Variants in RYR2 observed in about 807,000 individuals in gnomAD.
RYR2 encodes ryanodine receptor 2.
In RYR2, 227 loss-of-function variants were observed where a neutral mutation model predicts 601.1. The ratio of observed to expected loss-of-function variants is 0.38; its 90% CI spans 0.34 to 0.42. The LOEUF (loss-of-function observed/expected upper bound fraction) is 0.42. Among genes scored for constraint, RYR2 ranks in the 10% least tolerant of loss-of-function variants. The probability of loss-of-function intolerance (pLI) is 1.00; values close to 1 mark genes in which losing one functional copy is unlikely to be tolerated. For synonymous variants in RYR2, 2,223 were observed against 2,175.1 expected (o/e 1.02, Z -0.61); for missense variants, 4,646 against 6,156.5 (o/e 0.75, Z 8.21).
chr1:237,781,859 AT>A (rs1369534019), intron 89 of RYR2, among the ~76,000 whole-genome samples: 1 of 152,212 alleles, frequency 6.6e-6, no homozygotes, highest in Non-Finnish European at 1.5e-5. Flanking sequence ...CAAAATGAAA[AT>A]AGTAGTACTT....
At position 237,788,045 on chromosome 1, in the gene RYR2, G is replaced by T; in HGVS notation, c.13386G>T (p.Leu4462Phe). Residue 4462 changes from leucine (L) to phenylalanine (F), a missense_variant, in exon 92 of 105, where the codon TTG becomes TTT. Transcript: ENST00000366574. ...KAKEDKGKQK[L>F]RQLHTHRYGE... ...AGGAAGACAAGGGCAAACAAAAGTT[G>T]AGGCAGCTTCACACACACAGATACG... 6.2e-7 allele frequency: 1 copy of T among 1,609,952 alleles called. No homozygotes were observed. Among genetic ancestry groups the T allele is most frequent in the Non-Finnish European group, 8.5e-7 (1 of 1,177,796 alleles).
intron 81 of RYR2, among the ~76,000 whole-genome samples, chr1:237,757,457 C>G (rs1051254816): frequency 6.6e-6 from 1 of 152,110 alleles, no homozygotes; most frequent in African/African-American, 2.4e-5. Flanking sequence ...TCTGTTACTT[C>G]TATATCTTCT....
At chr1:237,233,795 C>T (rs1685248138) in intron 1 of RYR2, among the ~76,000 whole-genome samples, 1 of 152,120 alleles carries the variant, frequency 6.6e-6, no homozygotes, top group Admixed American at 6.5e-5. Flanking sequence ...GCTGGGATTA[C>T]AGGCATGCGC....
intron 35 of RYR2, among the ~76,000 whole-genome samples, chr1:237,608,195 C>T (rs1677363146): frequency 6.6e-6 from 1 of 151,986 alleles, no homozygotes; most frequent in Non-Finnish European, 1.5e-5. Flanking sequence ...AAAAGAGGAA[C>T]CTATGAGATA....
chr1:237,316,536 A>G (rs1463972373), intron 2 of RYR2, among the ~76,000 whole-genome samples: 1 of 152,180 alleles, frequency 6.6e-6, no homozygotes, highest in Non-Finnish European at 1.5e-5. Context: ...TGCTCTCGAC[A>G]GATGTATTAT....
intron 10 of RYR2, among the ~76,000 whole-genome samples, chr1:237,391,900 C>G (rs890010561): frequency 3.3e-5 from 5 of 152,022 alleles, no homozygotes; most frequent in Non-Finnish European, 7.4e-5. Flanking sequence ...TGCTTCCTGC[C>G]CATTTTGCTT....
At chr1:237,712,034 C>T (rs1015193976) in intron 71 of RYR2, among the ~76,000 whole-genome samples, 197 bp downstream of exon 71, 102 of 151,954 alleles carry the variant, frequency 6.7e-4, no homozygotes, top group African/African-American at 2.2e-3. Context: ...GACATGCAGA[C>T]GGGAAATGAC....
At chr1:237,549,628 CTTTTTTTTTTTTTTTTT>C (rs57579159) in intron 26 of RYR2, among the ~76,000 whole-genome samples, 150 of 77,736 alleles carry the variant, frequency 1.9e-3, no homozygotes, top group Non-Finnish European at 2.8e-3. Context: ...CCATAGCTTT[CTTTTTTTTTTTTTTTTT>C]TTTTTTTTTT....
chr1:237,817,293 T>C (rs991516322), intron 100 of RYR2, among the ~76,000 whole-genome samples: 6 of 152,200 alleles, frequency 3.9e-5, no homozygotes, highest in Admixed American at 1.3e-4. Flanking sequence ...GTTGAACTCA[T>C]AGTTGAACTA....
intron 2 of RYR2, among the ~76,000 whole-genome samples, chr1:237,281,325 A>G (rs1690845961): frequency 6.6e-6 from 1 of 152,214 alleles, no homozygotes; most frequent in Non-Finnish European, 1.5e-5. Context: ...GAAATTTTTA[A>G]AAGATTTTAA....
intron 29 of RYR2, among the ~76,000 whole-genome samples, chr1:237,586,520 A>G (rs926218093): frequency 1.3e-5 from 2 of 152,146 alleles, no homozygotes; most frequent in African/African-American, 4.8e-5. Context: ...TAACAAGTGG[A>G]GGGGCTAAGA....
chr1:237,764,612 A>T (rs1693701745), intron 84 of RYR2, among the ~76,000 whole-genome samples: 1 of 151,362 alleles, frequency 6.6e-6, no homozygotes. Flanking sequence ...ACAATTGGCT[A>T]ATTTTTGTAT....
chr1:237,353,062 C>T (rs1439065384), intron 3 of RYR2, among the ~76,000 whole-genome samples: 2 of 152,004 alleles, frequency 1.3e-5, no homozygotes, highest in South Asian at 4.1e-4. Context: ...CATTTGTTTT[C>T]TAGTATGTAA....
chr1:237,333,196 A>T (rs916621411), intron 3 of RYR2, among the ~76,000 whole-genome samples: 6 of 152,256 alleles, frequency 3.9e-5, no homozygotes, highest in African/African-American at 1.4e-4. Context: ...TTTGAGGAAA[A>T]ACTGCTACAA....
rs539595485 is a variant in RYR2 at position 237,597,418 on chromosome 1, A to T, written c.4596+1761A>T. The stretch of plus-strand genomic sequence containing the variant: ...TGCCTCAGCCTCCTGAGTAGCTGGG[A>T]TTATAGGCATGCACCACCACACCCA... On this transcript the variant is annotated intron_variant, in intron 34 of 104. Transcript: ENST00000366574. Among the ~76,000 whole-genome samples the T allele has an allele frequency of 2.0e-5, 3 of 151,374 alleles. No individual in the cohort carries two copies. In the East Asian group the frequency reaches 5.9e-4, roughly 30 times the overall value.
chr1:237,276,990 C>A (rs12033653), intron 2 of RYR2, among the ~76,000 whole-genome samples: 1 of 151,888 alleles, frequency 6.6e-6, no homozygotes. Context: ...ATTTATAGAT[C>A]GATTTCAGTT....
At chr1:237,829,408 G>A (rs1232361458) in intron 102 of RYR2, among the ~76,000 whole-genome samples, 3 of 152,174 alleles carry the variant, frequency 2.0e-5, no homozygotes, top group African/African-American at 7.2e-5. Context: ...TCCTCAGCGA[G>A]GGACTTGGTG....
Position 237,179,453 on chromosome 1 carries a change from A to C in RYR2, c.49-91044A>C, listed in dbSNP as rs1678454988. ...TTTAGGAGACTAGGAATACCTTCAG[A>C]AGTCCTTGAGATTGTCTTCTAGAAA... On this transcript the variant is annotated intron_variant, in intron 1 of 104. Coordinates refer to ENST00000366574, the MANE Select transcript of RYR2 (RefSeq NM_001035.3). Among the ~76,000 whole-genome samples the C allele has an allele frequency of 2.6e-5, 4 of 151,942 alleles. No homozygotes were observed. The South Asian group carries it at 8.3e-4, about 31-fold the overall frequency.
chr1:237,120,194 G>C (rs1369103064), intron 1 of RYR2, among the ~76,000 whole-genome samples: 1 of 152,116 alleles, frequency 6.6e-6, no homozygotes, highest in Non-Finnish European at 1.5e-5. Flanking sequence ...GTTTTGAGAA[G>C]ATTAATGAGG....
Sources: allele counts gnomAD v4.1 joint callset (sites outside exome capture counted in the v4.1 genomes callset), GRCh38; gene constraint gnomAD v4.1.1; transcripts MANE v1.5; gene names NCBI Gene and HGNC (gene_info 2026-07-23, HGNC 2026-07-21).